Variants in CERS1 observed in about 807,000 individuals in gnomAD.
CERS1 encodes ceramide synthase 1.
Under a neutral mutation model 35.7 loss-of-function variants are expected in CERS1, and 16 were observed. The ratio of observed to expected loss-of-function variants is 0.45; its 90% CI spans 0.30 to 0.68. The LOEUF (loss-of-function observed/expected upper bound fraction) is 0.68. CERS1 is among the 30% of genes least tolerant of loss of function. The probability of loss-of-function intolerance (pLI) is 0.08; values close to 1 mark genes in which losing one functional copy is unlikely to be tolerated. For synonymous variants in CERS1, 243 were observed against 201.6 expected (o/e 1.21, Z -1.74); for missense variants, 454 against 453.9 (o/e 1.00, Z 0.00).
rs186652782 is a variant in CERS1 at position 18,871,667 on chromosome 19, C to A, written c.1011-1048G>T. On this transcript the variant is annotated intron_variant, in intron 6 of 7. Transcript: ENST00000623882. ...CCAAAGGGCTTCTGTCACTTTAATT[C>A]GCTCTTCTCTTAGGCTGAAGCTCAG... Among the ~76,000 whole-genome samples, 6 of 152,308 alleles carry A rather than the reference C, an allele frequency of 3.9e-5. No individual in the cohort carries two copies. In the East Asian group the frequency reaches 1.2e-3, roughly 29 times the overall value.
rs1415089637 is a variant in CERS1 at position 18,870,382 on chromosome 19, G to A, written c.*195C>T. On this transcript the variant is annotated 3_prime_UTR_variant, in exon 7 of 8. Coordinates refer to ENST00000623882, the MANE Select transcript of CERS1 (RefSeq NM_021267.5). The surrounding 1 kb of genome is among the most constrained non-coding windows in gnomAD (Gnocchi z 5.1). ...GGACCAGTGGGCTGAGGGCGGGGCC[G>A]GTGTCCCCGGAGGGGCAGGGGTCCT... is the stretch of plus-strand genomic sequence containing the variant. The A allele has an allele frequency of 2.0e-6, 3 of 1,507,052 alleles. No homozygotes were observed. The highest frequency in any genetic ancestry group is 2.0e-5 in the Admixed American group (1 of 50,356). The allele number at this position is 1,507,052 out of a possible 1,614,324, so 93.4% of individuals were successfully genotyped here.
At chr19:18,875,013 T>C (rs2056036320) in intron 6 of CERS1, among the ~76,000 whole-genome samples, 1 of 151,404 alleles carries the variant, frequency 6.6e-6, no homozygotes, top group Non-Finnish European at 1.5e-5. Context: ...GGTGGGAGGA[T>C]TGCTTGAGGC....
chr19:18,877,090 C>T (rs765049514), intron 6 of CERS1, among the ~76,000 whole-genome samples: 26 of 152,206 alleles, frequency 1.7e-4, no homozygotes, highest in Admixed American at 2.6e-4. Flanking sequence ...GCACTAACTC[C>T]GGCTGTCCTT....
rs1335008737 is a variant in CERS1, at chr19:18,868,780, C to T, written c.*1205G>A. 6.8e-7 allele frequency: 1 copy of T among 1,465,014 alleles called. No individual in the cohort carries two copies. Among genetic ancestry groups the T allele is most frequent in the Non-Finnish European group, 9.1e-7 (1 of 1,099,828 alleles). 90.8% of individuals were successfully genotyped at this position (1,465,014 alleles called of 1,614,324 possible). ...GCAGCACAGCGTGGTTGAGCGCCGG[C>T]GGCCCCCCGGACCCCGACAGCGCGA... On this transcript the variant is annotated 3_prime_UTR_variant, in exon 8 of 8. Transcript: ENST00000623882.
chr19:18,893,923 T>C (rs568317770), intron 1 of CERS1, among the ~76,000 whole-genome samples: 45 of 129,588 alleles, frequency 3.5e-4, no homozygotes, highest in African/African-American at 8.1e-4. Flanking sequence ...GGGTGACCCT[T>C]GAAGGGAACA....
Position 18,896,104 on chromosome 19 carries a change from GCGCC to G in CERS1, c.-36_-33del. On this transcript the variant is annotated 5_prime_UTR_variant, in exon 1 of 8. Transcript: ENST00000623882. The surrounding 1 kb of genome is among the most constrained non-coding windows in gnomAD (Gnocchi z 5.9). ...CGCTCGCCCGCCGTGCCCGTCGCCTGCGCCCGCCCGCGGTAGCCGACGGAGCCGC... is the reference window on the plus strand; with the variant it reads ...CGCTCGCCCGCCGTGCCCGTCGCCTGCGCCCGCGGTAGCCGACGGAGCCGC... 1 of 864,456 alleles carries G rather than the reference GCGCC, an allele frequency of 1.2e-6. No individual in the cohort carries two copies. Among genetic ancestry groups the G allele is most frequent in the Non-Finnish European group, 1.4e-6 (1 of 722,504 alleles). 53.5% of individuals were successfully genotyped at this position (864,456 alleles called of 1,614,324 possible).
chr19:18,879,117 C>T, intron 5 of CERS1, 78 bp from the exon 6 acceptor site: 1 of 1,585,718 alleles, frequency 6.3e-7, no homozygotes, highest in Non-Finnish European at 8.6e-7. Context: ...GTGCTCCTGT[C>T]CCGGGCCCTC....
At chr19:18,874,054 C>T (rs1025501613) in intron 6 of CERS1, among the ~76,000 whole-genome samples, 2 of 152,070 alleles carry the variant, frequency 1.3e-5, no homozygotes, top group African/African-American at 2.4e-5. Flanking sequence ...GCAGAGAGCA[C>T]GTTCTCTCCT....
intron 4 of CERS1, among the ~76,000 whole-genome samples, chr19:18,879,844 C>T (rs1410003562): frequency 1.4e-5 from 2 of 147,138 alleles, no homozygotes; most frequent in Admixed American, 6.8e-5. Context: ...CCCTGCACAG[C>T]GCCTCCCTTT....
At chr19:18,874,970 C>T (rs2056035973) in intron 6 of CERS1, among the ~76,000 whole-genome samples, 1 of 152,316 alleles carries the variant, frequency 6.6e-6, no homozygotes, top group South Asian at 2.1e-4. Flanking sequence ...CAAAGTGGCT[C>T]ATGCCTGTAA....
In CERS1 at chr19:18,870,309, T is replaced by C. The variant is rs1029147591; in HGVS notation, c.*268A>G. On this transcript the variant is annotated 3_prime_UTR_variant, in exon 7 of 8. Transcript: ENST00000623882. This position sits in a 1 kb window ranked among gnomAD's most constrained non-coding sequence, Gnocchi z 5.1. ...GGGACCTTGCTGCGGCGGTGGCATC[T>C]TCCTCCCAGGCGATGACCAGAGAGT... The C allele has an allele frequency of 1.3e-6, 2 of 1,545,492 alleles. No individual in the cohort carries two copies. Among genetic ancestry groups the C allele is most frequent in the African/African-American group, 2.7e-5 (2 of 72,884 alleles).
intron 3 of CERS1, 57 bp downstream of exon 3, chr19:18,884,030 C>A: frequency 1.9e-6 from 3 of 1,559,456 alleles, no homozygotes; most frequent in Admixed American, 1.8e-5. Flanking sequence ...GCAACATCAG[C>A]CTCCGCACTC....
At chr19:18,871,502 G>A (rs750736822) in intron 6 of CERS1, among the ~76,000 whole-genome samples, 3 of 152,116 alleles carry the variant, frequency 2.0e-5, no homozygotes, top group African/African-American at 4.8e-5. Context: ...GATTACAGGC[G>A]TGAGCCACCG....
chr19:18,895,804 C>T lies in CERS1; in HGVS notation c.249+20G>A. 3 of 1,216,782 alleles carry T rather than the reference C, an allele frequency of 2.5e-6. No individual in the cohort carries two copies. The highest frequency in any genetic ancestry group is 2.3e-5 in the South Asian group (1 of 43,072). The allele number at this position is 1,216,782 out of a possible 1,614,324, so 75.4% of individuals were successfully genotyped here. A position where few individuals can be genotyped will look rare whatever the true frequency, so the allele number is the denominator to read the frequency against. ...CCCCCAGTCCGGGGTCCCCTCGTCC[C>T]GGCCCCCGGCCACACTGACCCGAAA... On this transcript the variant is annotated intron_variant, in intron 1 of 7. Transcript: ENST00000623882. This position sits in a 1 kb window ranked among gnomAD's most constrained non-coding sequence, Gnocchi z 6.4.
At position 18,869,789 on chromosome 19, in the gene CERS1, A is replaced by AC. The variant is rs2055930975; in HGVS notation, c.*594+193dup. Among the ~76,000 whole-genome samples the AC allele has an allele frequency of 2.0e-5, 3 of 151,700 alleles. No individual in the cohort carries two copies. The South Asian group carries it at 6.3e-4, about 32-fold the overall frequency. The stretch of plus-strand genomic sequence containing the variant: ...TCAAGCAGAAGGACTGGTCTTGGGA[A>AC]CCCCCTGACATGTGTCCCCGGCGTG... On this transcript the variant is annotated intron_variant, in intron 7 of 7. Transcript: ENST00000623882.
chr19:18,869,872 AGGGCGGGTGGGGACCCTCGGAGCTGCTC>A (rs1254329133), intron 7 of CERS1, 83 bp downstream of exon 7: 1 of 1,052,746 alleles, frequency 9.5e-7, no homozygotes, highest in East Asian at 2.6e-5. Flanking sequence ...TAGCCTGGAC[AGGGCGGGTGGGGACCCTCGGAGCTGCTC>A]GGGCATCCCC....
rs992418214 is a variant in CERS1, at chr19:18,896,106, G to A, written c.-34C>T. The A allele has an allele frequency of 7.0e-6, 6 of 862,462 alleles. No homozygotes were observed. Among genetic ancestry groups the A allele is most frequent in the Non-Finnish European group, 8.3e-6 (6 of 720,720 alleles). 53.4% of individuals were successfully genotyped at this position (862,462 alleles called of 1,614,324 possible). A position where few individuals can be genotyped will look rare whatever the true frequency, so the allele number is the denominator to read the frequency against. ...CTCGCCCGCCGTGCCCGTCGCCTGCGCCCGCCCGCGGTAGCCGACGGAGCC... is the reference window on the plus strand; with the variant it reads ...CTCGCCCGCCGTGCCCGTCGCCTGCACCCGCCCGCGGTAGCCGACGGAGCC... On this transcript the variant is annotated 5_prime_UTR_variant, in exon 1 of 8. Coordinates refer to ENST00000623882, the MANE Select transcript of CERS1 (RefSeq NM_021267.5). This position sits in a 1 kb window ranked among gnomAD's most constrained non-coding sequence, Gnocchi z 5.9.
intron 6 of CERS1, among the ~76,000 whole-genome samples, chr19:18,875,848 A>G (rs1047056801): frequency 6.6e-6 from 1 of 152,202 alleles, no homozygotes; most frequent in Non-Finnish European, 1.5e-5. Context: ...CAGCCATAAA[A>G]CAAGAAATGC....
At position 18,895,229 on chromosome 19, in the gene CERS1, G is replaced by A. The variant is rs1375267354; in HGVS notation, c.249+595C>T. ...CCAGATAGGCACAAGGCAGCGACCGGGCAGCTCCTGCCTCTTCCCGATTAC... is the reference window on the plus strand; with the variant it reads ...CCAGATAGGCACAAGGCAGCGACCGAGCAGCTCCTGCCTCTTCCCGATTAC... On this transcript the variant is annotated intron_variant, in intron 1 of 7. Transcript: ENST00000623882. This position sits in a 1 kb window ranked among gnomAD's most constrained non-coding sequence, Gnocchi z 6.4. 6.6e-6 allele frequency among the ~76,000 whole-genome samples: 1 copy of A among 152,214 alleles called. No homozygotes were observed. The highest frequency in any genetic ancestry group is 1.5e-5 in the Non-Finnish European group (1 of 68,032).
Sources: allele counts gnomAD v4.1 joint callset (sites outside exome capture counted in the v4.1 genomes callset), GRCh38; gene constraint gnomAD v4.1.1; non-coding constraint Gnocchi (gnomAD v3.1); transcripts MANE v1.5; gene names NCBI Gene and HGNC (gene_info 2026-07-23, HGNC 2026-07-21).